The following TAF3 variants were observed in gnomAD, a reference collection of about 807,000 sequenced individuals.
TAF3 encodes TATA-box binding protein associated factor 3, also known as transcription initiation factor TFIID subunit 3.
A neutral mutation model predicts 80.6 loss-of-function variants in TAF3; 7 were observed. The observed-to-expected ratio is 0.09, with a 90% CI of 0.05 to 0.16. TAF3 has a LOEUF of 0.16. Among genes scored for constraint, TAF3 ranks in the 10% least tolerant of loss-of-function variants. The pLI, the probability that TAF3 is intolerant of heterozygous loss-of-function variation, is 1.00. For synonymous variants in TAF3, 444 were observed against 446.1 expected (o/e 1.00, Z 0.06); for missense variants, 921 against 1,140.2 (o/e 0.81, Z 2.77).
chr10:7,964,106 G>A lies in TAF3; in HGVS notation c.596G>A (p.Ser199Asn), dbSNP rs1831540595. ...GCCATGAAGCGGCCTCGGCTATTAA[G>A]CACTAAAGGGGACACGCTAGATGTT... is the stretch of plus-strand genomic sequence containing the variant. ...LPAMKRPRLL[S>N]TKGDTLDVVL... The change falls in exon 3 of 7, where the codon AGC (serine) becomes AAC (asparagine). Residue 199 changes from serine (S) to asparagine (N), a missense_variant. Ser to Asn is a conservative substitution (Grantham distance 46). Transcript: ENST00000344293. This position sits in a 1 kb window ranked among gnomAD's most constrained non-coding sequence, Gnocchi z 4.1. The A allele has an allele frequency of 6.2e-7, 1 of 1,613,960 alleles. No homozygotes were observed. The highest frequency in any genetic ancestry group is 1.7e-5 in the Admixed American group (1 of 59,996).
At chr10:7,963,596 G>A (rs1831533539) in intron 2 of TAF3, among the ~76,000 whole-genome samples, 1 of 152,038 alleles carries the variant, frequency 6.6e-6, no homozygotes, top group Non-Finnish European at 1.5e-5. Context: ...TCATAAGTGG[G>A]AGTTGAACAG....
intron 2 of TAF3, among the ~76,000 whole-genome samples, chr10:7,962,300 C>T (rs1290849308): frequency 6.6e-6 from 1 of 152,122 alleles, no homozygotes; most frequent in Admixed American, 6.5e-5. Flanking sequence ...CCCTTACTGC[C>T]TCTCACATCA....
chr10:8,010,014 C>G (rs764289142), intron 5 of TAF3, among the ~76,000 whole-genome samples: 23 of 151,932 alleles, frequency 1.5e-4, no homozygotes, highest in Non-Finnish European at 3.1e-4. Context: ...CAGGCTCAAG[C>G]GATCCTCCCA....
At chr10:7,971,802 G>A (rs1409887415) in intron 3 of TAF3, among the ~76,000 whole-genome samples, 1 of 152,180 alleles carries the variant, frequency 6.6e-6, no homozygotes, top group African/African-American at 2.4e-5. Flanking sequence ...CCTGAGGTGT[G>A]TGGCGAAGAA....
intron 2 of TAF3, among the ~76,000 whole-genome samples, chr10:7,930,444 A>T (rs1231947959): frequency 6.6e-6 from 1 of 152,170 alleles, no homozygotes; most frequent in Admixed American, 6.5e-5. Context: ...GTACAAATTG[A>T]TTTTTCTGCT....
chr10:7,907,542 T>C (rs1307371844), intron 2 of TAF3, among the ~76,000 whole-genome samples: 1 of 152,150 alleles, frequency 6.6e-6, no homozygotes, highest in African/African-American at 2.4e-5. Flanking sequence ...TAACAAAGAA[T>C]TCAGATGTCA....
chr10:7,907,682 C>T (rs1205038797), intron 2 of TAF3, among the ~76,000 whole-genome samples: 1 of 152,200 alleles, frequency 6.6e-6, no homozygotes, highest in African/African-American at 2.4e-5. Flanking sequence ...TTGCCCTGCC[C>T]ATTTTAATAC....
chr10:7,986,758 A>T (rs1266307503), intron 4 of TAF3, among the ~76,000 whole-genome samples: 2 of 152,170 alleles, frequency 1.3e-5, no homozygotes, highest in Non-Finnish European at 2.9e-5. Context: ...ATTCACAGGG[A>T]TCCATAACTC....
At chr10:7,943,303 T>C (rs1837994186) in intron 2 of TAF3, among the ~76,000 whole-genome samples, 1 of 152,214 alleles carries the variant, frequency 6.6e-6, no homozygotes, top group Non-Finnish European at 1.5e-5. Context: ...CTCCTTAGCA[T>C]TGCAAACTCT....
At chr10:7,855,288 T>C (rs564249821) in intron 2 of TAF3, among the ~76,000 whole-genome samples, 1 of 152,272 alleles carries the variant, frequency 6.6e-6, no homozygotes, top group African/African-American at 2.4e-5. Context: ...CCTGGTTTGG[T>C]GCAGCTGAGC....
At chr10:7,838,661 C>T (rs1292881735) in intron 2 of TAF3, among the ~76,000 whole-genome samples, 3 of 152,148 alleles carry the variant, frequency 2.0e-5, no homozygotes, top group South Asian at 2.1e-4. Flanking sequence ...GGATTATGGG[C>T]GTGAGCCACT....
intron 2 of TAF3, among the ~76,000 whole-genome samples, chr10:7,918,990 G>T (rs550722048): frequency 6.6e-6 from 1 of 152,310 alleles, no homozygotes; most frequent in Admixed American, 6.5e-5. Flanking sequence ...TGAGGGGGCT[G>T]TGATGGAGGT....
chr10:7,933,111 A>C (rs2131198895), intron 2 of TAF3, among the ~76,000 whole-genome samples: 1 of 151,746 alleles, frequency 6.6e-6, no homozygotes, highest in African/African-American at 2.4e-5. Flanking sequence ...AAAAAAAAAT[A>C]CCTGGCTACT....
chr10:7,948,976 C>T (rs570634974), intron 2 of TAF3, among the ~76,000 whole-genome samples: 9 of 152,314 alleles, frequency 5.9e-5, no homozygotes, highest in African/African-American at 7.2e-5. Context: ...GAGGGACTGA[C>T]GCGCAGAGGT....
At chr10:7,830,473 CTTTTTTTTT>C (rs1176707860) in intron 2 of TAF3, among the ~76,000 whole-genome samples, 133 of 57,728 alleles carry the variant, frequency 2.3e-3, no homozygotes, top group African/African-American at 8.1e-3. Flanking sequence ...CTTTACATGT[CTTTTTTTTT>C]TTTTTTTTTT....
chr10:7,868,866 T>C (rs1837239572), intron 2 of TAF3, among the ~76,000 whole-genome samples: 1 of 152,196 alleles, frequency 6.6e-6, no homozygotes, highest in African/African-American at 2.4e-5. Context: ...ATGAAAAACA[T>C]ACTTAGAGAA....
intron 4 of TAF3, among the ~76,000 whole-genome samples, chr10:7,990,143 G>A (rs1002224707): frequency 6.6e-6 from 1 of 152,130 alleles, no homozygotes; most frequent in African/African-American, 2.4e-5. Context: ...TCTCTAATGT[G>A]TGTTATAACC....
intron 5 of TAF3, among the ~76,000 whole-genome samples, chr10:8,012,752 AC>A (rs1691911717): frequency 6.6e-6 from 1 of 152,226 alleles, no homozygotes. Flanking sequence ...GCCCATCACT[AC>A]AGTGAAACAT....
At chr10:7,837,251 T>TACTCGGGAGGCTGAGGCA (rs1481246147) in intron 2 of TAF3, among the ~76,000 whole-genome samples, 2 of 151,520 alleles carry the variant, frequency 1.3e-5, no homozygotes, top group Non-Finnish European at 2.9e-5. Context: ...TAGTCCCAGC[T>TACTCGGGAGGCTGAGGCA]ACTCGGGAGG....
Sources: allele counts gnomAD v4.1 joint callset (sites outside exome capture counted in the v4.1 genomes callset), GRCh38; gene constraint gnomAD v4.1.1; non-coding constraint Gnocchi (gnomAD v3.1); transcripts MANE v1.5; gene names NCBI Gene and HGNC (gene_info 2026-07-23, HGNC 2026-07-21).